The following NUDC variants were observed in gnomAD, a reference collection of about 807,000 sequenced individuals.
NUDC encodes the protein nuclear migration protein nudC.
In NUDC, 14 loss-of-function variants were observed where a neutral mutation model predicts 45.0. The observed-to-expected ratio is 0.31, with a 90% confidence interval of 0.21 to 0.49. The LOEUF (loss-of-function observed/expected upper bound fraction) is 0.49. Ranked by LOEUF, NUDC falls within the 20% of genes least tolerant of loss-of-function variation. NUDC has a pLI of 0.99. For synonymous variants in NUDC, 153 were observed against 156.7 expected (o/e 0.98, Z 0.17); for missense variants, 323 against 426.2 (o/e 0.76, Z 2.13).
At chr1:26,938,544 A>AG (rs1427300645) in intron 2 of NUDC, among the ~76,000 whole-genome samples, 2 of 152,114 alleles carry the variant, frequency 1.3e-5, no homozygotes, top group Non-Finnish European at 2.9e-5. Context: ...TTTGTGGTTT[A>AG]GGGGGTACGT....
At chr1:26,925,718 A>ATTTTT (rs35681038) in intron 2 of NUDC, among the ~76,000 whole-genome samples, 53 of 126,864 alleles carry the variant, frequency 4.2e-4, no homozygotes, top group Non-Finnish European at 7.2e-4. Flanking sequence ...ATCATGAGGA[A>ATTTTT]TTTTTTTTTT....
At chr1:26,904,842 T>C (rs1336370612) in intron 2 of NUDC, among the ~76,000 whole-genome samples, 1 of 151,224 alleles carries the variant, frequency 6.6e-6, no homozygotes, top group Non-Finnish European at 1.5e-5. Context: ...TCATACATTA[T>C]TATTATATAA....
At chr1:26,902,346 T>A (rs996699742) in exon 2 of NUDC, 10 of 152,252 alleles carry the variant, frequency 6.6e-5, no homozygotes, top group African/African-American at 2.4e-4. Flanking sequence ...CAGCCTCTCC[T>A]GAGAATAGGC....
intron 3 of NUDC, chr1:26,914,010 C>T (rs2082047262): frequency 1.6e-6 from 2 of 1,277,248 alleles, no homozygotes; most frequent in East Asian, 2.6e-5. Context: ...ATTTATATTC[C>T]CAGTGAGTGG....
At chr1:26,921,020 A>G (rs950360809), upstream of NUDC, among the ~76,000 whole-genome samples, 2 of 152,232 alleles carry the variant, frequency 1.3e-5, no homozygotes, top group African/African-American at 4.8e-5. Flanking sequence ...TAAGCTAAAA[A>G]AAGGGATAAT....
At chr1:26,944,769 G>GGT (rs2082305739) in intron 6 of NUDC, among the ~76,000 whole-genome samples, 1 of 151,884 alleles carries the variant, frequency 6.6e-6, no homozygotes, top group Non-Finnish European at 1.5e-5. Flanking sequence ...CACTGCACAT[G>GGT]GTGGCTCACA....
intron 2 of NUDC, chr1:26,929,855 C>T (rs2082166276): frequency 5.7e-6 from 1 of 176,356 alleles, no homozygotes; most frequent in Non-Finnish European, 1.2e-5. Context: ...GAAACCCTGT[C>T]CCTACTAAAA....
exon 1 of NUDC, chr1:26,900,247 G>GGGC: frequency 6.2e-7 from 1 of 1,614,152 alleles, no homozygotes; most frequent in Non-Finnish European, 8.5e-7. Flanking sequence ...GTAGGAATTA[G>GGGC]GGCAGAGTTA....
rs566362037 is a variant in NUDC at position 26,926,541 on chromosome 1, CA to C, written c.159+2382del. ...TGTAAAACCTCATGCCGCAAACTTA[CA>C]AAAAAATACAAAAGCACTTTTAGTT... On this transcript the variant is annotated intron_variant, in intron 2 of 8. Coordinates refer to ENST00000321265, the MANE Select transcript of NUDC (RefSeq NM_006600.4). Among the ~76,000 whole-genome samples, 564 of 151,956 alleles carry C rather than the reference CA, an allele frequency of 3.7e-3. 1 individual carries two copies. The highest frequency in any genetic ancestry group is 6.8e-3 in the Middle Eastern group (2 of 294).
intron 1 of NUDC, 35 bp downstream of exon 1, chr1:26,921,964 C>T (rs1438448548): frequency 3.9e-6 from 6 of 1,542,996 alleles, no homozygotes; most frequent in South Asian, 2.4e-5. Context: ...CACCCGGCGG[C>T]CTTGGCCACG....
intron 3 of NUDC, chr1:26,911,699 C>G: frequency 2.2e-6 from 2 of 916,230 alleles, no homozygotes; most frequent in Non-Finnish European, 3.5e-6. Context: ...TGGGGTGTGG[C>G]TGAGTGAAGA....
intron 2 of NUDC, among the ~76,000 whole-genome samples, chr1:26,925,653 C>T (rs1039335031): frequency 2.6e-5 from 4 of 150,960 alleles, no homozygotes; most frequent in African/African-American, 4.9e-5. Flanking sequence ...ATTCTGAGAC[C>T]TTGAACTTCT....
intron 2 of NUDC, among the ~76,000 whole-genome samples, chr1:26,938,942 T>C (rs905439677): frequency 2.6e-5 from 4 of 152,176 alleles, no homozygotes; most frequent in Non-Finnish European, 5.9e-5. Context: ...TGAATTGGTT[T>C]GCCAGGTGAC....
At chr1:26,900,227 G>A (rs1157844087), upstream of NUDC, 4 of 1,614,060 alleles carry the variant, frequency 2.5e-6, no homozygotes, top group South Asian at 2.2e-5. Flanking sequence ...GGCCCTCAGC[G>A]GCTGGGTCGG....
upstream of NUDC, among the ~76,000 whole-genome samples, chr1:26,920,783 A>C (rs536463250): frequency 6.3e-4 from 96 of 151,634 alleles, 1 homozygote; most frequent in East Asian, 1.4e-3. Flanking sequence ...AAACAAAAAA[A>C]AAAAAACAGC....
At chr1:26,925,370 C>T (rs896886453) in intron 2 of NUDC, among the ~76,000 whole-genome samples, 8 of 150,844 alleles carry the variant, frequency 5.3e-5, no homozygotes, top group East Asian at 2.0e-4. Context: ...GAAACCCCGT[C>T]TCTACTAAAA....
chr1:26,912,738 G>C (rs1026223115), intron 3 of NUDC, among the ~76,000 whole-genome samples: 1 of 152,128 alleles, frequency 6.6e-6, no homozygotes, highest in Non-Finnish European at 1.5e-5. Context: ...CCACAGAGGA[G>C]TTTTAGCTCT....
chr1:26,906,717 C>T (rs1196733259), intron 2 of NUDC, among the ~76,000 whole-genome samples: 3 of 151,990 alleles, frequency 2.0e-5, no homozygotes, highest in South Asian at 2.1e-4. Context: ...GGCGTGGTGG[C>T]GGGCGCCTGT....
chr1:26,909,611 AG>A (rs1322235543), intron 2 of NUDC, among the ~76,000 whole-genome samples: 1 of 152,210 alleles, frequency 6.6e-6, no homozygotes, highest in Non-Finnish European at 1.5e-5. Flanking sequence ...TAATAGAGGC[AG>A]AAACTGGTAG....
Sources: allele counts gnomAD v4.1 joint callset (sites outside exome capture counted in the v4.1 genomes callset), GRCh38; gene constraint gnomAD v4.1.1; transcripts MANE v1.5; gene names NCBI Gene and HGNC (gene_info 2026-07-23, HGNC 2026-07-21).